The following LHFPL3 variants were observed in gnomAD, a reference collection of about 807,000 sequenced individuals.
LHFPL3 encodes LHFPL tetraspan subfamily member 3 protein.
Under a neutral mutation model 19.3 loss-of-function variants are expected in LHFPL3, and 5 were observed. The ratio of observed to expected loss-of-function variants is 0.26; its 90% CI spans 0.14 to 0.54. The LOEUF is 0.54. LHFPL3 is among the 20% of genes least tolerant of loss of function. LHFPL3 has a pLI of 0.94. For missense variants in LHFPL3, 249 were observed against 307.4 expected (o/e 0.81, Z 1.42); for synonymous variants, 133 against 126.2 (o/e 1.05, Z -0.36).
chr7:104,636,751 G>A (rs557956156), intron 1 of LHFPL3, among the ~76,000 whole-genome samples: 32 of 152,194 alleles, frequency 2.1e-4, no homozygotes, highest in Middle Eastern at 3.4e-3. Flanking sequence ...AGTATTCCAT[G>A]GTGTATATGT....
chr7:104,829,901 A>C (rs976528282), intron 2 of LHFPL3, among the ~76,000 whole-genome samples: 1 of 151,926 alleles, frequency 6.6e-6, no homozygotes, highest in African/African-American at 2.4e-5. Flanking sequence ...CTGAGGAATC[A>C]CCACACTGAC....
intron 2 of LHFPL3, among the ~76,000 whole-genome samples, chr7:104,752,096 G>A (rs1794185968): frequency 6.6e-6 from 1 of 152,134 alleles, no homozygotes; most frequent in African/African-American, 2.4e-5. Flanking sequence ...CTGCGTTTGA[G>A]GTTGTAATGT....
intron 1 of LHFPL3, chr7:104,668,690 G>A (rs1260538226): frequency 1.2e-6 from 2 of 1,609,950 alleles, no homozygotes; most frequent in Non-Finnish European, 1.7e-6. Flanking sequence ...ATTACTCTCG[G>A]GATGATTATA....
intron 1 of LHFPL3, among the ~76,000 whole-genome samples, chr7:104,484,967 G>A (rs928163405): frequency 7.9e-5 from 12 of 152,266 alleles, no homozygotes; most frequent in African/African-American, 2.6e-4. Flanking sequence ...TCCAACACAT[G>A]AACTTTGGGG....
chr7:104,384,097 G>A (rs981071630), intron 1 of LHFPL3, among the ~76,000 whole-genome samples: 4 of 150,824 alleles, frequency 2.7e-5, no homozygotes, highest in African/African-American at 9.7e-5. Flanking sequence ...GAGAGAATAA[G>A]TTAAACAGGG....
intron 1 of LHFPL3, among the ~76,000 whole-genome samples, chr7:104,555,363 T>C (rs1794743973): frequency 6.6e-6 from 1 of 151,494 alleles, no homozygotes; most frequent in South Asian, 2.1e-4. Context: ...AGAAAAAGAG[T>C]TTTAATAGAC....
chr7:104,709,916 G>T (rs13233874), intron 1 of LHFPL3, among the ~76,000 whole-genome samples: 3 of 150,974 alleles, frequency 2.0e-5, no homozygotes, highest in South Asian at 2.1e-4. Flanking sequence ...CTTCCCAGAC[G>T]GGGTGGCGGC....
chr7:104,860,484 C>A (rs890084573), intron 2 of LHFPL3, among the ~76,000 whole-genome samples: 6 of 152,222 alleles, frequency 3.9e-5, no homozygotes, highest in Middle Eastern at 3.4e-3. Context: ...GAGCTAAAGA[C>A]CTCTAGGTTT....
intron 1 of LHFPL3, among the ~76,000 whole-genome samples, chr7:104,387,226 G>A (rs1790963984): frequency 1.3e-5 from 2 of 152,152 alleles, no homozygotes; most frequent in Non-Finnish European, 2.9e-5. Context: ...TACATGGCCA[G>A]GTGTGGTGGC....
At chr7:104,790,055 A>G (rs1051420677) in intron 2 of LHFPL3, among the ~76,000 whole-genome samples, 1 of 152,220 alleles carries the variant, frequency 6.6e-6, no homozygotes, top group African/African-American at 2.4e-5. Flanking sequence ...ACTGTCTTGC[A>G]TGATAAGAAA....
Position 104,687,620 on chromosome 7 carries a change from G to T in LHFPL3, c.446-49055G>T, listed in dbSNP as rs531659833. ...TCAGGAGATTACATGGGTTTTAGGA[G>T]CCTAAGCCAAAAAAGAGGGATGAAG... On this transcript the variant is annotated intron_variant, in intron 1 of 2. Coordinates refer to ENST00000424859, the MANE Select transcript of LHFPL3 (RefSeq NM_199000.3). Among the ~76,000 whole-genome samples, 6 of 152,244 alleles carry T rather than the reference G, an allele frequency of 3.9e-5. No homozygotes were observed. The East Asian group carries it at 1.2e-3, about 29-fold the overall frequency.
At chr7:104,522,609 G>T (rs1462952813) in intron 1 of LHFPL3, among the ~76,000 whole-genome samples, 1 of 152,118 alleles carries the variant, frequency 6.6e-6, no homozygotes, top group Non-Finnish European at 1.5e-5. Context: ...TGTGGCAGAA[G>T]ATATGGTTCC....
chr7:104,565,850 G>A (rs2193203), intron 1 of LHFPL3, among the ~76,000 whole-genome samples: 42,474 of 151,706 alleles, frequency 0.28, 7,329 homozygotes, highest in East Asian at 0.46. Flanking sequence ...TGTTCGATTA[G>A]TCAACAGAAA....
chr7:104,428,268 T>A (rs1365530981), intron 1 of LHFPL3, among the ~76,000 whole-genome samples: 1 of 152,182 alleles, frequency 6.6e-6, no homozygotes, highest in Non-Finnish European at 1.5e-5. Context: ...AAGAGACAAT[T>A]CATGTATGAA....
chr7:104,820,590 C>T (rs1790656915), intron 2 of LHFPL3, among the ~76,000 whole-genome samples: 1 of 152,140 alleles, frequency 6.6e-6, no homozygotes, highest in Admixed American at 6.5e-5. Flanking sequence ...AGTTTATGAG[C>T]AAGGCAGAGG....
intron 2 of LHFPL3, among the ~76,000 whole-genome samples, chr7:104,886,915 C>T (rs1208114059): frequency 1.3e-5 from 2 of 152,150 alleles, no homozygotes; most frequent in South Asian, 2.1e-4. Flanking sequence ...TAAGTCCTCC[C>T]GGGGTCCCCG....
At chr7:104,740,253 C>T (rs1309119250) in intron 2 of LHFPL3, among the ~76,000 whole-genome samples, 1 of 152,126 alleles carries the variant, frequency 6.6e-6, no homozygotes, top group South Asian at 2.1e-4. Flanking sequence ...TCAAGAAGTT[C>T]TTCATAGCAG....
chr7:104,847,573 C>T (rs1239721213), intron 2 of LHFPL3, among the ~76,000 whole-genome samples: 5 of 152,266 alleles, frequency 3.3e-5, no homozygotes, highest in African/African-American at 9.6e-5. Flanking sequence ...TGCAGTGGCA[C>T]GATCTCAGCT....
At position 104,379,461 on chromosome 7, in the gene LHFPL3, T is replaced by G. The variant is rs551119888; in HGVS notation, c.445+50237T>G. ...GAGTCTGCCCCTTACTCCAAGAGGCTAGTAATGGGGTCTCTTAAGGATAAT... is the reference window on the plus strand; with the variant it reads ...GAGTCTGCCCCTTACTCCAAGAGGCGAGTAATGGGGTCTCTTAAGGATAAT... On this transcript the variant is annotated intron_variant, in intron 1 of 2. Transcript: ENST00000424859. Among the ~76,000 whole-genome samples, 17 of 152,292 alleles carry G rather than the reference T, an allele frequency of 1.1e-4. No homozygotes were observed. The South Asian group carries it at 3.3e-3, about 30-fold the overall frequency.
Sources: allele counts gnomAD v4.1 joint callset (sites outside exome capture counted in the v4.1 genomes callset), GRCh38; gene constraint gnomAD v4.1.1; transcripts MANE v1.5; gene names NCBI Gene and HGNC (gene_info 2026-07-23, HGNC 2026-07-21).